The following GRM7 variants were observed in gnomAD, a reference collection of about 807,000 sequenced individuals.
GRM7 encodes the protein glutamate metabotropic receptor 7.
A neutral mutation model predicts 84.5 loss-of-function variants in GRM7; 35 were observed. That is an observed-to-expected ratio of 0.41 (90% CI 0.32 to 0.55). The LOEUF (loss-of-function observed/expected upper bound fraction) is 0.55, where lower values mean the gene tolerates loss of function less well. Among genes scored for constraint, GRM7 ranks in the 20% least tolerant of loss-of-function variants. GRM7 has a pLI of 0.19. For synonymous variants in GRM7, 487 were observed against 455.1 expected, an observed-to-expected ratio of 1.07 and a Z score of -0.89; for missense variants, 1,003 against 1,194.6, an observed-to-expected ratio of 0.84 and a Z score of 2.36.
chr3:7,443,182 T>C (rs1472078947), intron 5 of GRM7, among the ~76,000 whole-genome samples: 1 of 152,122 alleles, frequency 6.6e-6, no homozygotes, highest in Non-Finnish European at 1.5e-5. Flanking sequence ...TATCCATCAC[T>C]GAACCCCAAC....
At chr3:7,450,851 C>T (rs1237216365) in intron 5 of GRM7, among the ~76,000 whole-genome samples, 1 of 151,976 alleles carries the variant, frequency 6.6e-6, no homozygotes, top group East Asian at 1.9e-4. Context: ...ATTAATGGTG[C>T]TCTGAAATGG....
intron 1 of GRM7, among the ~76,000 whole-genome samples, chr3:7,027,264 G>A (rs929302064): frequency 5.9e-5 from 9 of 152,188 alleles, no homozygotes; most frequent in East Asian, 1.9e-4. Context: ...TCTCACAGAC[G>A]TTTTGAGGCA....
At chr3:7,465,919 T>C (rs7649952) in intron 7 of GRM7, among the ~76,000 whole-genome samples, 360 of 152,314 alleles carry the variant, frequency 2.4e-3, no homozygotes, top group African/African-American at 8.4e-3. Context: ...ATGTCTCATG[T>C]ACCCTCACTA....
At chr3:7,593,922 C>A (rs910136186) in intron 8 of GRM7, among the ~76,000 whole-genome samples, 1 of 151,804 alleles carries the variant, frequency 6.6e-6, no homozygotes, top group Admixed American at 6.6e-5. Context: ...CAAAATTACA[C>A]CCTTGACACA....
chr3:7,142,554 T>G (rs1358856391), intron 1 of GRM7, among the ~76,000 whole-genome samples: 1 of 152,178 alleles, frequency 6.6e-6, no homozygotes, highest in Non-Finnish European at 1.5e-5. Flanking sequence ...ACTGCTCTCA[T>G]GATCCAATTG....
chr3:7,192,028 A>G (rs187093447), intron 2 of GRM7, among the ~76,000 whole-genome samples: 150 of 152,248 alleles, frequency 9.9e-4, no homozygotes, highest in African/African-American at 3.5e-3. Flanking sequence ...ACAGATTCTC[A>G]GAACTCTCTA....
intron 4 of GRM7, among the ~76,000 whole-genome samples, chr3:7,412,987 C>T (rs1696007193): frequency 7.2e-6 from 1 of 138,526 alleles, no homozygotes; most frequent in Non-Finnish European, 1.5e-5. Flanking sequence ...TTCACTATGA[C>T]ACACACACAC....
intron 8 of GRM7, among the ~76,000 whole-genome samples, chr3:7,606,049 A>C (rs986496647): frequency 6.6e-6 from 1 of 152,218 alleles, no homozygotes; most frequent in Admixed American, 6.5e-5. Context: ...CAAGACTCTG[A>C]CAAATAGAAA....
chr3:7,173,274 A>G (rs576182977), intron 2 of GRM7, among the ~76,000 whole-genome samples: 1 of 152,200 alleles, frequency 6.6e-6, no homozygotes, highest in East Asian at 1.9e-4. Context: ...ACTACTTACA[A>G]TCCTGAATTT....
At chr3:7,231,154 G>C (rs1697184105) in intron 2 of GRM7, among the ~76,000 whole-genome samples, 1 of 152,144 alleles carries the variant, frequency 6.6e-6, no homozygotes, top group Non-Finnish European at 1.5e-5. Context: ...CACCCGTCTT[G>C]GAAGGCTCTG....
At chr3:7,520,995 A>G (rs1700571812) in intron 7 of GRM7, among the ~76,000 whole-genome samples, 1 of 151,960 alleles carries the variant, frequency 6.6e-6, no homozygotes, top group Non-Finnish European at 1.5e-5. Context: ...CCAACCCACA[A>G]CTCAAATTCT....
chr3:7,181,147 T>G (rs1223548495), intron 2 of GRM7, among the ~76,000 whole-genome samples: 1 of 152,190 alleles, frequency 6.6e-6, no homozygotes, highest in Non-Finnish European at 1.5e-5. Flanking sequence ...TTCCCAATCT[T>G]CTGTTATATG....
chr3:7,573,784 T>G (rs1178778918), intron 7 of GRM7, among the ~76,000 whole-genome samples: 1 of 152,228 alleles, frequency 6.6e-6, no homozygotes, highest in African/African-American at 2.4e-5. Flanking sequence ...CTGAGCATTC[T>G]CAGGAGACAA....
At chr3:7,257,075 C>A (rs1698236799) in intron 2 of GRM7, among the ~76,000 whole-genome samples, 1 of 152,152 alleles carries the variant, frequency 6.6e-6, no homozygotes, top group African/African-American at 2.4e-5. Context: ...TTTTAAGGTT[C>A]AGTACACTCA....
intron 8 of GRM7, among the ~76,000 whole-genome samples, chr3:7,615,484 C>T (rs1349836042): frequency 2.6e-5 from 4 of 152,124 alleles, no homozygotes; most frequent in Non-Finnish European, 5.9e-5. Context: ...TCTTTTTAAT[C>T]ACATCACCTT....
intron 2 of GRM7, among the ~76,000 whole-genome samples, chr3:7,258,215 A>G (rs1328380027): frequency 1.3e-5 from 2 of 152,104 alleles, no homozygotes; most frequent in Non-Finnish European, 1.5e-5. Context: ...TCAGTGTTCT[A>G]CCACTGCCCC....
chr3:7,124,024 A>G (rs1351103793), intron 1 of GRM7, among the ~76,000 whole-genome samples: 1 of 152,156 alleles, frequency 6.6e-6, no homozygotes, highest in African/African-American at 2.4e-5. Flanking sequence ...TTTCTAGTCT[A>G]GAAATTTTAT....
chr3:6,911,034 T>G (rs990581515), intron 1 of GRM7, among the ~76,000 whole-genome samples: 5 of 152,180 alleles, frequency 3.3e-5, no homozygotes, highest in Non-Finnish European at 7.4e-5. Flanking sequence ...ATTTCTAGTA[T>G]TTGGTATCAA....
At chr3:7,364,441 A>G (rs1693793831) in intron 4 of GRM7, among the ~76,000 whole-genome samples, 1 of 151,780 alleles carries the variant, frequency 6.6e-6, no homozygotes, top group Non-Finnish European at 1.5e-5. Context: ...AGAATCTCTG[A>G]TCTTCTAGTG....
Sources: allele counts gnomAD v4.1 joint callset (sites outside exome capture counted in the v4.1 genomes callset), GRCh38; gene constraint gnomAD v4.1.1; transcripts MANE v1.5; gene names NCBI Gene and HGNC (gene_info 2026-07-23, HGNC 2026-07-21).